The following ZBBX variants were observed in gnomAD, a reference collection of about 807,000 sequenced individuals.
The protein encoded by ZBBX is zinc finger B-box domain containing, also known as zinc finger B-box domain-containing protein 1.
Under a neutral mutation model 108.5 loss-of-function variants are expected in ZBBX, and 101 were observed. The observed-to-expected ratio is 0.93, with a 90% CI of 0.79 to 1.10. The LOEUF (loss-of-function observed/expected upper bound fraction) is 1.10. ZBBX is among the 50% of genes least tolerant of loss of function. The pLI, the probability that ZBBX is intolerant of heterozygous loss-of-function variation, is 0.00. For missense variants in ZBBX, 1,009 were observed against 941.4 expected, an observed-to-expected ratio of 1.07 and a Z score of -0.94; for synonymous variants, 356 against 323.4, an observed-to-expected ratio of 1.10 and a Z score of -1.08.
upstream of ZBBX, among the ~76,000 whole-genome samples, chr3:167,381,645 G>C: frequency 6.6e-6 from 1 of 152,028 alleles, no homozygotes; most frequent in East Asian, 1.9e-4. Flanking sequence ...ATACAGGCGC[G>C]CTCTTCAAAT....
chr3:167,403,054 C>T (rs999974007), intron 1 of ZBBX, among the ~76,000 whole-genome samples: 2 of 152,040 alleles, frequency 1.3e-5, no homozygotes, highest in Non-Finnish European at 2.9e-5. Context: ...GAAAAGTTTC[C>T]TTATATGTTT....
At chr3:167,380,566 T>G (rs1207520984), upstream of ZBBX, among the ~76,000 whole-genome samples, 3 of 152,166 alleles carry the variant, frequency 2.0e-5, no homozygotes, top group African/African-American at 7.2e-5. Flanking sequence ...ATATGTCATA[T>G]TTGATTCTTC....
chr3:167,233,642 C>T, the ZBBX span, among the ~76,000 whole-genome samples: 7 of 151,744 alleles, frequency 4.6e-5, no homozygotes, highest in Admixed American at 2.6e-4. Context: ...CTACCATAAC[C>T]CCCCTTTAAG....
chr3:167,195,659 G>A, the ZBBX span, among the ~76,000 whole-genome samples: 1 of 152,084 alleles, frequency 6.6e-6, no homozygotes, highest in African/African-American at 2.4e-5. Flanking sequence ...ATTTCTTTGA[G>A]AACAAACATA....
rs527880636 is a variant in ZBBX, at chr3:167,248,923, G to C, written c.2255-6280C>G. On this transcript the variant is annotated intron_variant, in intron 20 of 21. Coordinates refer to ENST00000675490, the MANE Select transcript of ZBBX (RefSeq NM_001199201.2). ...GCCGGCACCTGCCAAGGTCATCGGG[G>C]CTCAGGGATAAGCAGTGGAGAGTGA... is the stretch of plus-strand genomic sequence containing the variant. Among the ~76,000 whole-genome samples the C allele has an allele frequency of 3.3e-5, 5 of 152,342 alleles. No homozygotes were observed. In the South Asian group the frequency reaches 8.3e-4, roughly 25 times the overall value.
chr3:167,404,225 AT>A (rs952186513), intron 1 of ZBBX, among the ~76,000 whole-genome samples: 6 of 152,312 alleles, frequency 3.9e-5, no homozygotes, highest in Non-Finnish European at 5.9e-5. Context: ...CGTTAAAAAA[AT>A]ACATAATATT....
chr3:167,374,705 T>C (rs769174364), intron 2 of ZBBX, among the ~76,000 whole-genome samples: 16 of 152,076 alleles, frequency 1.1e-4, no homozygotes, highest in Non-Finnish European at 1.9e-4. Flanking sequence ...ATAGGGCATA[T>C]AGGACCCTAA....
At chr3:167,213,800 CA>C in the ZBBX span, among the ~76,000 whole-genome samples, 4 of 152,186 alleles carry the variant, frequency 2.6e-5, no homozygotes, top group African/African-American at 9.6e-5. Flanking sequence ...AGGTCACCTA[CA>C]AAGGGCTCCC....
the ZBBX span, among the ~76,000 whole-genome samples, chr3:167,200,853 A>T: frequency 6.6e-6 from 1 of 152,106 alleles, no homozygotes; most frequent in Non-Finnish European, 1.5e-5. Context: ...CAACTAATTG[A>T]CATCCCACCC....
chr3:167,273,895 A>G (rs987496243), intron 20 of ZBBX, among the ~76,000 whole-genome samples: 3 of 152,228 alleles, frequency 2.0e-5, no homozygotes, highest in African/African-American at 7.2e-5. Context: ...GATTTGAATC[A>G]TTATTTCCAT....
chr3:167,237,375 T>C (rs938492905), downstream of ZBBX, among the ~76,000 whole-genome samples: 8 of 152,070 alleles, frequency 5.3e-5, no homozygotes, highest in Middle Eastern at 0.01. Flanking sequence ...TACACAAGTC[T>C]GGGTATAAAC....
At position 167,331,689 on chromosome 3, in the gene ZBBX, G is replaced by A. The variant is rs1374722423; in HGVS notation, c.687+2138C>T. The stretch of plus-strand genomic sequence containing the variant: ...AGAGTCCAATATGACCTTGCCCAAT[G>A]CTAAAAGAAATTTGAAGACGCACAT... On this transcript the variant is annotated intron_variant, in intron 10 of 21. Transcript: ENST00000675490. The A allele has an allele frequency of 3.3e-6, 3 of 907,772 alleles. No individual in the cohort carries two copies. In the African/African-American group the frequency reaches 5.4e-5, roughly 16 times the overall value. The allele number at this position is 907,772 out of a possible 1,614,324, so 56.2% of individuals were successfully genotyped here. A position where few individuals can be genotyped will look rare whatever the true frequency, so the allele number is the denominator to read the frequency against.
intron 20 of ZBBX, among the ~76,000 whole-genome samples, chr3:167,280,648 T>C (rs1448129896): frequency 1.1e-4 from 17 of 150,670 alleles, no homozygotes; most frequent in Non-Finnish European, 2.1e-4. Flanking sequence ...ACTTTTACAC[T>C]GTTGGTGGGA....
At chr3:167,362,867 T>C (rs753328237) in intron 6 of ZBBX, among the ~76,000 whole-genome samples, 4 of 152,028 alleles carry the variant, frequency 2.6e-5, no homozygotes, top group African/African-American at 4.8e-5. Context: ...TGTGTCAATA[T>C]CTAGGGTCTC....
At chr3:167,324,178 A>T (rs1216360223) in intron 11 of ZBBX, among the ~76,000 whole-genome samples, 5 of 151,942 alleles carry the variant, frequency 3.3e-5, no homozygotes, top group African/African-American at 4.8e-5. Context: ...AGGCTCTCAC[A>T]TTGTCACCCA....
chr3:167,248,540 T>C (rs920662870), intron 20 of ZBBX: 5 of 436,668 alleles, frequency 1.1e-5, no homozygotes, highest in Non-Finnish European at 2.3e-5. Flanking sequence ...CCCTGCTGAC[T>C]GATAACTGCA....
intron 14 of ZBBX, among the ~76,000 whole-genome samples, chr3:167,316,567 C>G (rs1472561173): frequency 6.6e-6 from 1 of 151,986 alleles, no homozygotes; most frequent in Non-Finnish European, 1.5e-5. Flanking sequence ...CTTCTTAAGT[C>G]TTACACACTA....
chr3:167,298,280 T>A (rs771901747), intron 18 of ZBBX, 25 bp downstream of exon 18: 3 of 1,574,652 alleles, frequency 1.9e-6, no homozygotes, highest in African/African-American at 1.4e-5. Context: ...ACAGACTGTT[T>A]TAGAAAAATG....
rs371834033 is a variant in ZBBX at position 167,256,569 on chromosome 3, T to A, written c.2255-13926A>T. ...GGTCTTATGTATTATTTCTAACTAT[T>A]TTTTGGACCCATTAACCATCCCACC... On this transcript the variant is annotated intron_variant, in intron 20 of 21. Coordinates refer to ENST00000675490, the MANE Select transcript of ZBBX (RefSeq NM_001199201.2). 2.8e-4 allele frequency among the ~76,000 whole-genome samples: 42 copies of A among 149,318 alleles called. No individual in the cohort carries two copies. The East Asian group carries it at 7.7e-3, about 28-fold the overall frequency.
Sources: allele counts gnomAD v4.1 joint callset (sites outside exome capture counted in the v4.1 genomes callset), GRCh38; gene constraint gnomAD v4.1.1; transcripts MANE v1.5; gene names NCBI Gene and HGNC (gene_info 2026-07-23, HGNC 2026-07-21).